PDZD2: variants seen among roughly 807,000 people sequenced by gnomAD.
The protein encoded by PDZD2 is PDZ domain containing 2.
PDZD2 carries 90 observed loss-of-function variants against 220.7 expected under a neutral mutation model. The observed-to-expected ratio is 0.41, with a 90% confidence interval of 0.34 to 0.49. The LOEUF (loss-of-function observed/expected upper bound fraction) is 0.49, where lower values mean the gene tolerates loss of function less well. PDZD2 is among the 20% of genes least tolerant of loss of function. PDZD2 has a pLI of 0.28. For synonymous variants in PDZD2, 1,375 were observed against 1,450.5 expected (o/e 0.95, Z 1.18); for missense variants, 3,174 against 3,608.5 (o/e 0.88, Z 3.08).
At chr5:31,822,271 C>A (rs1426204814) in intron 2 of PDZD2, among the ~76,000 whole-genome samples, 1 of 100,586 alleles carries the variant, frequency 9.9e-6, no homozygotes, top group South Asian at 3.6e-4. Flanking sequence ...TTCACGCAAT[C>A]TTTTTTTTTT....
intron 7 of PDZD2, among the ~76,000 whole-genome samples, chr5:32,038,131 C>A (rs1755706368): frequency 6.8e-6 from 1 of 146,694 alleles, no homozygotes; most frequent in East Asian, 2.0e-4. Context: ...CGTGAGCCAC[C>A]GTGCCTGGCA....
At chr5:31,903,664 GAAAGA>G (rs1313797323) in intron 2 of PDZD2, among the ~76,000 whole-genome samples, 24 of 104,978 alleles carry the variant, frequency 2.3e-4, no homozygotes, top group African/African-American at 7.1e-4. Flanking sequence ...AAAAAAAAAA[GAAAGA>G]AAAAAGAAAA....
intron 1 of PDZD2, among the ~76,000 whole-genome samples, chr5:31,698,658 G>A (rs926925514): frequency 2.0e-5 from 3 of 151,604 alleles, no homozygotes; most frequent in African/African-American, 4.8e-5. Flanking sequence ...TGTCCGCAAA[G>A]TGCTAAATGT....
In PDZD2 at chr5:32,089,548, G is replaced by A. The variant is rs759870834; in HGVS notation, c.6100G>A (p.Gly2034Arg). 6.9e-5 allele frequency: 112 copies of A among 1,611,998 alleles called. 1 individual carries two copies. The Admixed American group carries it at 7.0e-4, about 10-fold the overall frequency. The change falls in exon 20 of 25, where the codon GGG (glycine) becomes AGG (arginine). Residue 2034 changes from glycine to arginine, a missense_variant. This residue lies in a region of PDZD2 where 1,861 missense variants were observed against 2,001.0 expected (regional missense o/e 0.93). Transcript: ENST00000438447. ...AEGRAPRADS[G>R]PVSPAASRNG... is the part of the protein sequence containing the mutation. ...GGGCAGGGCGCCCCGTGCTGACTCC[G>A]GGCCGGTGAGTCCGGCAGCGTCTAG...
intron 2 of PDZD2, among the ~76,000 whole-genome samples, chr5:31,848,728 G>A (rs542487599): frequency 6.0e-5 from 9 of 150,082 alleles, no homozygotes; most frequent in Non-Finnish European, 1.2e-4. Context: ...CAGCCTGGGC[G>A]ACAGAGTGAG....
chr5:31,794,418 G>C (rs1355038034), intron 1 of PDZD2, among the ~76,000 whole-genome samples: 1 of 113,406 alleles, frequency 8.8e-6, no homozygotes, highest in Admixed American at 1.0e-4. Context: ...TTTTTTTTGA[G>C]ATGGAGGAGT....
intron 2 of PDZD2, among the ~76,000 whole-genome samples, chr5:31,865,473 C>A (rs1290858115): frequency 6.6e-6 from 1 of 151,674 alleles, no homozygotes; most frequent in Admixed American, 6.6e-5. Context: ...CCACCTCACC[C>A]AGCTCATTTT....
chr5:31,671,119 C>T (rs1746199569), intron 1 of PDZD2, among the ~76,000 whole-genome samples: 1 of 152,138 alleles, frequency 6.6e-6, no homozygotes, highest in Non-Finnish European at 1.5e-5. Context: ...ATGTCTGCTA[C>T]AATCCATTCC....
chr5:31,878,348 C>G (rs1739508991), intron 2 of PDZD2, among the ~76,000 whole-genome samples: 1 of 152,066 alleles, frequency 6.6e-6, no homozygotes, highest in Admixed American at 6.6e-5. Context: ...CTCCCATCAA[C>G]CAGCCTATTT....
Position 31,787,350 on chromosome 5 carries a change from C to A in PDZD2, c.-360-11539C>A, listed in dbSNP as rs374804852. Among the ~76,000 whole-genome samples the A allele has an allele frequency of 9.2e-5, 14 of 152,314 alleles. No homozygotes were observed. The East Asian group carries it at 2.7e-3, about 29-fold the overall frequency. ...ATTATTAACCCAGAACTGGCCAAAT[C>A]CTGACATCCTGAGTAAACAGTCTTA... On this transcript the variant is annotated intron_variant, in intron 1 of 24. Coordinates refer to ENST00000438447, the MANE Select transcript of PDZD2 (RefSeq NM_178140.4).
intron 1 of PDZD2, among the ~76,000 whole-genome samples, chr5:31,752,441 C>T (rs569680634): frequency 1.3e-5 from 2 of 152,110 alleles, no homozygotes; most frequent in South Asian, 4.2e-4. Context: ...CGCAGCTACT[C>T]GGGAGGCTGA....
chr5:31,757,755 G>C (rs1164807720), intron 1 of PDZD2, among the ~76,000 whole-genome samples: 2 of 152,098 alleles, frequency 1.3e-5, no homozygotes, highest in Non-Finnish European at 2.9e-5. Context: ...TTTTGTTATG[G>C]GCTCAGGACA....
intron 1 of PDZD2, among the ~76,000 whole-genome samples, chr5:31,761,005 C>T (rs971513673): frequency 2.6e-5 from 4 of 152,002 alleles, no homozygotes; most frequent in African/African-American, 9.7e-5. Context: ...TAGAAGTCAA[C>T]AGTCAGGCGG....
intron 2 of PDZD2, among the ~76,000 whole-genome samples, chr5:31,865,788 C>A (rs1400299628): frequency 2.0e-5 from 3 of 151,106 alleles, no homozygotes; most frequent in African/African-American, 7.3e-5. Flanking sequence ...CCCACCACCA[C>A]GCCCGGCTAA....
intron 8 of PDZD2, among the ~76,000 whole-genome samples, chr5:32,050,556 A>G (rs567415324): frequency 6.6e-4 from 100 of 152,258 alleles, no homozygotes; most frequent in Middle Eastern, 3.4e-3. Context: ...AACCAGGATC[A>G]TGCCCGTAAT....
Position 32,110,660 on chromosome 5 carries a change from A to C in PDZD2, c.*2525A>C, listed in dbSNP as rs1269829188. The C allele has an allele frequency of 6.6e-6, 1 of 152,650 alleles. No homozygotes were observed. Among genetic ancestry groups the C allele is most frequent in the African/African-American group, 2.4e-5 (1 of 41,452 alleles). The allele number at this position is 152,650 out of a possible 1,614,324, so 9.5% of individuals were successfully genotyped here. Reference sequence around the variant, plus strand: ...CCGTAGTTGCAAGAATATACCATGAAGATTAAAGTAGGCTGGGTTTCATTT... The same window carrying C: ...CCGTAGTTGCAAGAATATACCATGACGATTAAAGTAGGCTGGGTTTCATTT... On this transcript the variant is annotated 3_prime_UTR_variant, in exon 25 of 25. Transcript: ENST00000438447.
At chr5:31,841,700 C>T (rs911594821) in intron 2 of PDZD2, among the ~76,000 whole-genome samples, 16 of 150,226 alleles carry the variant, frequency 1.1e-4, no homozygotes, top group Admixed American at 2.7e-4. Context: ...TGGCTAGGTG[C>T]GGTGGCTCAC....
At chr5:31,889,026 CT>C (rs1229123470) in intron 2 of PDZD2, among the ~76,000 whole-genome samples, 5 of 152,300 alleles carry the variant, frequency 3.3e-5, no homozygotes, top group Non-Finnish European at 5.9e-5. Context: ...GCCCCCTCCC[CT>C]ATCACGTATG....
At position 32,051,121 on chromosome 5, in the gene PDZD2, G is replaced by C. The variant is rs183571456; in HGVS notation, c.1666-1490G>C. Among the ~76,000 whole-genome samples, 427 of 152,236 alleles carry C rather than the reference G, an allele frequency of 2.8e-3. 2 individuals carry two copies. The highest frequency in any genetic ancestry group is 9.3e-3 in the African/African-American group (385 of 41,532). ...AGCCTACAGGCCTTTGGTTCCTTCT[G>C]GTTCCCAAAAGAGAGATGGAGTGAA... is the stretch of plus-strand genomic sequence containing the variant. On this transcript the variant is annotated intron_variant, in intron 8 of 24. Transcript: ENST00000438447.
Sources: gnomAD v4.1 joint callset for allele counts (sites outside exome capture counted in the v4.1 genomes callset) on GRCh38, gnomAD v4.1.1 for gene constraint, gnomAD v4.1.1 regional missense constraint, MANE v1.5 for transcripts, NCBI Gene and HGNC (gene_info 2026-07-23, HGNC 2026-07-21) for gene names.